FRAS1: variants seen among roughly 807,000 people sequenced by gnomAD.
The protein encoded by FRAS1 is extracellular matrix organizing protein FRAS1.
FRAS1 carries 290 observed loss-of-function variants against 435.2 expected under a neutral mutation model. The ratio of observed to expected loss-of-function variants is 0.67; its 90% CI spans 0.61 to 0.73. The LOEUF (loss-of-function observed/expected upper bound fraction) is 0.73. FRAS1 is among the 30% of genes least tolerant of loss of function. The probability of loss-of-function intolerance (pLI) is 0.00; values close to 1 mark genes in which losing one functional copy is unlikely to be tolerated. For missense variants in FRAS1, 4,860 were observed against 5,001.5 expected (o/e 0.97, Z 0.85); for synonymous variants, 1,800 against 1,851.0 (o/e 0.97, Z 0.71).
In FRAS1 at chr4:78,388,273, C is replaced by T. The variant is rs577815023; in HGVS notation, c.3975+572C>T. Among the ~76,000 whole-genome samples, 9 of 147,880 alleles carry T rather than the reference C, an allele frequency of 6.1e-5. No individual in the cohort carries two copies. The East Asian group carries it at 1.4e-3, about 23-fold the overall frequency. On this transcript the variant is annotated intron_variant, in intron 29 of 73. Coordinates refer to ENST00000512123, the MANE Select transcript of FRAS1 (RefSeq NM_025074.7). ...CCAGGAGGCAGAGCTTGCAGTGAGC[C>T]GAGATCGCGCCACTGCACTCCAGCC...
intron 14 of FRAS1, among the ~76,000 whole-genome samples, chr4:78,304,833 T>G (rs1227709732): frequency 3.9e-5 from 6 of 152,088 alleles, no homozygotes; most frequent in Non-Finnish European, 7.4e-5. Context: ...CATTAATTTT[T>G]TGAAGGGTTT....
At chr4:78,514,376 T>C (rs17470072) in intron 65 of FRAS1, among the ~76,000 whole-genome samples, 21,347 of 152,302 alleles carry the variant, frequency 0.14, 1,795 homozygotes, top group Non-Finnish European at 0.2. Flanking sequence ...CCTTAGCAAG[T>C]GCACATTAAA....
intron 10 of FRAS1, among the ~76,000 whole-genome samples, chr4:78,279,849 C>T (rs1161925617): frequency 6.6e-6 from 1 of 152,190 alleles, no homozygotes; most frequent in Non-Finnish European, 1.5e-5. Flanking sequence ...CCACTTACCA[C>T]AGAATATGTG....
intron 2 of FRAS1, among the ~76,000 whole-genome samples, chr4:78,224,276 C>T (rs1177733799): frequency 1.3e-5 from 2 of 152,338 alleles, no homozygotes; most frequent in Non-Finnish European, 2.9e-5. Context: ...CCAGTCAGTC[C>T]TACTTTCAAA....
At chr4:78,505,964 A>G (rs1720825357) in intron 61 of FRAS1, among the ~76,000 whole-genome samples, 1 of 152,086 alleles carries the variant, frequency 6.6e-6, no homozygotes, top group Non-Finnish European at 1.5e-5. Flanking sequence ...TCTGTTTGTT[A>G]GTTTTCCTTC....
At chr4:78,227,579 G>A (rs1021158522) in intron 2 of FRAS1, among the ~76,000 whole-genome samples, 3 of 152,324 alleles carry the variant, frequency 2.0e-5, no homozygotes, top group Middle Eastern at 3.4e-3. Context: ...TTTAGTGGAT[G>A]GCCAGTTTAA....
chr4:78,106,149 A>C (rs1742419431), intron 2 of FRAS1, among the ~76,000 whole-genome samples: 1 of 101,738 alleles, frequency 9.8e-6, no homozygotes, highest in Non-Finnish European at 2.1e-5. Flanking sequence ...ATCAAACTGC[A>C]AGGCGGCAAC....
intron 2 of FRAS1, among the ~76,000 whole-genome samples, chr4:78,084,439 AC>A (rs1741048188): frequency 6.6e-6 from 1 of 152,146 alleles, no homozygotes; most frequent in Non-Finnish European, 1.5e-5. Context: ...AATGTAAATA[AC>A]AAAAAACTAC....
intron 2 of FRAS1, among the ~76,000 whole-genome samples, chr4:78,130,724 A>G (rs577617538): frequency 6.6e-6 from 1 of 152,324 alleles, no homozygotes; most frequent in South Asian, 2.1e-4. Flanking sequence ...CTAAGTTTCT[A>G]AGAAAGAGTT....
intron 2 of FRAS1, among the ~76,000 whole-genome samples, chr4:78,137,425 G>A (rs555203748): frequency 6.6e-6 from 1 of 152,252 alleles, no homozygotes; most frequent in South Asian, 2.1e-4. Flanking sequence ...GCATAATGAA[G>A]GAAAGAGAAT....
At chr4:78,261,881 G>GATTAA (rs1470312982) in intron 6 of FRAS1, among the ~76,000 whole-genome samples, 6 of 152,126 alleles carry the variant, frequency 3.9e-5, no homozygotes, top group Non-Finnish European at 1.5e-5. Context: ...ATCTGCCTCA[G>GATTAA]CTATGAACTT....
At chr4:78,532,285 G>C (rs1265288499) in intron 70 of FRAS1, among the ~76,000 whole-genome samples, 1 of 152,102 alleles carries the variant, frequency 6.6e-6, no homozygotes, top group East Asian at 1.9e-4. Context: ...TCTTCCTGGA[G>C]GGCTTCCTCT....
chr4:78,128,963 T>C (rs1719532041), intron 2 of FRAS1, among the ~76,000 whole-genome samples: 1 of 152,246 alleles, frequency 6.6e-6, no homozygotes, highest in Admixed American at 6.5e-5. Flanking sequence ...AGTTTCAACT[T>C]TCTCCATATG....
intron 14 of FRAS1, among the ~76,000 whole-genome samples, chr4:78,295,565 G>T (rs548462700): frequency 6.6e-6 from 1 of 152,234 alleles, no homozygotes; most frequent in African/African-American, 2.4e-5. Context: ...TCTGGGCCAA[G>T]CTATTCTCTT....
intron 14 of FRAS1, among the ~76,000 whole-genome samples, chr4:78,297,556 A>G (rs528958313): frequency 1.6e-4 from 25 of 152,372 alleles, no homozygotes; most frequent in Admixed American, 3.9e-4. Flanking sequence ...GCCAAAAGAA[A>G]AGTAATTTGT....
chr4:78,246,339 G>C (rs1048296508), intron 4 of FRAS1, among the ~76,000 whole-genome samples: 3 of 152,122 alleles, frequency 2.0e-5, no homozygotes, highest in Non-Finnish European at 4.4e-5. Flanking sequence ...ATTCAGTGTG[G>C]GGACCTAAAA....
At chr4:78,414,466 T>A (rs1202740835) in intron 32 of FRAS1, among the ~76,000 whole-genome samples, 2 of 152,218 alleles carry the variant, frequency 1.3e-5, no homozygotes, top group Non-Finnish European at 1.5e-5. Context: ...AGTTTACTGT[T>A]AAATGTGATT....
chr4:78,104,094 T>C (rs1238830443), intron 2 of FRAS1, among the ~76,000 whole-genome samples: 1 of 152,210 alleles, frequency 6.6e-6, no homozygotes, highest in East Asian at 1.9e-4. Context: ...TACGAAACTG[T>C]GACTGTTTTA....
At chr4:78,443,575 A>G (rs76324998) in intron 41 of FRAS1, among the ~76,000 whole-genome samples, 3,938 of 152,304 alleles carry the variant, frequency 0.026, 169 homozygotes, top group African/African-American at 0.09. Context: ...GTATCACTAT[A>G]TTCCAGTGCT....
Sources: allele counts gnomAD v4.1 joint callset (sites outside exome capture counted in the v4.1 genomes callset), GRCh38; gene constraint gnomAD v4.1.1; transcripts MANE v1.5; gene names NCBI Gene and HGNC (gene_info 2026-07-23, HGNC 2026-07-21).